Variants in NAALADL2 observed in about 807,000 individuals in gnomAD.
NAALADL2 encodes the protein inactive N-acetylated-alpha-linked acidic dipeptidase-like protein 2.
NAALADL2 carries 76 observed loss-of-function variants against 87.2 expected under a neutral mutation model. The observed-to-expected ratio is 0.87, with a 90% confidence interval of 0.72 to 1.05. The LOEUF is 1.05. Among genes scored for constraint, NAALADL2 ranks in the 50% least tolerant of loss-of-function variants. The pLI, the probability that NAALADL2 is intolerant of heterozygous loss-of-function variation, is 0.00. For synonymous variants in NAALADL2, 354 were observed against 331.0 expected (o/e 1.07, Z -0.75); for missense variants, 1,089 against 945.8 (o/e 1.15, Z -1.99).
chr3:174,819,038 T>C (rs1429180154), intron 3 of NAALADL2, among the ~76,000 whole-genome samples: 1 of 151,158 alleles, frequency 6.6e-6, no homozygotes, highest in Non-Finnish European at 1.5e-5. Flanking sequence ...ATTTTGAATT[T>C]CTTTATTATA....
At chr3:174,488,651 A>G (rs1718004606) in intron 1 of NAALADL2, among the ~76,000 whole-genome samples, 1 of 151,870 alleles carries the variant, frequency 6.6e-6, no homozygotes, top group African/African-American at 2.4e-5. Context: ...GTTTTTTTTC[A>G]CAATCTCATG....
At chr3:175,338,137 G>T (rs181911295) in intron 5 of NAALADL2, among the ~76,000 whole-genome samples, 2 of 152,114 alleles carry the variant, frequency 1.3e-5, no homozygotes, top group Non-Finnish European at 2.9e-5. Flanking sequence ...TTAGGAAGTC[G>T]TGGGAATCTG....
chr3:174,851,502 A>C (rs915350197), intron 3 of NAALADL2, among the ~76,000 whole-genome samples: 2 of 152,076 alleles, frequency 1.3e-5, no homozygotes, highest in Non-Finnish European at 2.9e-5. Flanking sequence ...TATGCCAATA[A>C]ATTGGAAAAC....
intron 2 of NAALADL2, among the ~76,000 whole-genome samples, chr3:175,137,724 C>G (rs1729336332): frequency 6.6e-6 from 1 of 151,700 alleles, no homozygotes; most frequent in Non-Finnish European, 1.5e-5. Flanking sequence ...CTCAGACTCC[C>G]AAGTAGCTGG....
intron 13 of NAALADL2, among the ~76,000 whole-genome samples, chr3:175,765,474 A>G (rs1210244660): frequency 3.3e-5 from 5 of 152,176 alleles, no homozygotes; most frequent in Non-Finnish European, 7.4e-5. Context: ...ACATTCAAAT[A>G]CAATTTGATT....
chr3:174,451,843 GTTTTT>G lies in NAALADL2; in HGVS notation c.-184+10836_-184+10840del, dbSNP rs764587503. Reference sequence around the variant, plus strand: ...TAATGTAGTGCTAAGGATAGTGGGAGTTTTTTTTTTTTTTTTTTTTTTTTTTTTTG... The same window carrying G: ...TAATGTAGTGCTAAGGATAGTGGGAGTTTTTTTTTTTTTTTTTTTTTTTTG... On this transcript the variant is annotated intron_variant, in intron 1 of 3. Coordinates refer to the NAALADL2 transcript ENST00000434257. Among the ~76,000 whole-genome samples the G allele has an allele frequency of 3.4e-4, 33 of 98,086 alleles. 2 individuals carry two copies. The highest frequency in any genetic ancestry group is 3.2e-4 in the Non-Finnish European group (17 of 53,532). 64.3% of individuals were successfully genotyped at this position (98,086 alleles called of 152,430 possible). A position where few individuals can be genotyped will look rare whatever the true frequency, so the allele number is the denominator to read the frequency against.
chr3:174,749,674 G>A (rs1408987044), intron 3 of NAALADL2, among the ~76,000 whole-genome samples: 1 of 152,130 alleles, frequency 6.6e-6, no homozygotes, highest in Non-Finnish European at 1.5e-5. Context: ...GCATTTTGAG[G>A]TGGGTTGGGT....
At chr3:174,562,682 C>G (rs1713771586) in intron 2 of NAALADL2, among the ~76,000 whole-genome samples, 1 of 151,896 alleles carries the variant, frequency 6.6e-6, no homozygotes, top group African/African-American at 2.4e-5. Flanking sequence ...TAAATATTGT[C>G]TACTGGAACT....
chr3:174,935,109 A>T (rs1019628751), intron 1 of NAALADL2, among the ~76,000 whole-genome samples: 1 of 152,166 alleles, frequency 6.6e-6, no homozygotes, highest in African/African-American at 2.4e-5. Context: ...AATTCAAAGA[A>T]CATTCTGTAA....
chr3:175,381,677 A>C (rs1767802612), intron 5 of NAALADL2, among the ~76,000 whole-genome samples: 2 of 152,216 alleles, frequency 1.3e-5, no homozygotes, highest in African/African-American at 4.8e-5. Context: ...CTCACAAAAA[A>C]ATTAATGATT....
At chr3:175,590,698 G>T (rs1721309663) in intron 10 of NAALADL2, among the ~76,000 whole-genome samples, 1 of 152,094 alleles carries the variant, frequency 6.6e-6, no homozygotes, top group African/African-American at 2.4e-5. Flanking sequence ...GCTTATGAAA[G>T]TCCCACTATA....
rs190235175 is a variant in NAALADL2 at position 174,804,922 on chromosome 3, A to G, written c.-9+67176A>G. On this transcript the variant is annotated intron_variant, in intron 3 of 3. Coordinates refer to the NAALADL2 transcript ENST00000434257. The stretch of plus-strand genomic sequence containing the variant: ...TTAGATTTTAAATTGTCTAATTATC[A>G]ATAAGAGAGGTTCAAATTCTTGCTG... Among the ~76,000 whole-genome samples the G allele has an allele frequency of 4.6e-3, 699 of 152,288 alleles. 7 individuals are homozygous for G. The highest frequency in any genetic ancestry group is 0.016 in the African/African-American group (678 of 41,550).
intron 5 of NAALADL2, among the ~76,000 whole-genome samples, chr3:175,382,700 G>A (rs975863033): frequency 1.9e-5 from 2 of 103,310 alleles, no homozygotes; most frequent in African/African-American, 6.7e-5. Context: ...TGAAGGTTCC[G>A]ACTTCTCCAC....
At chr3:174,924,098 C>T (rs1353786128) in intron 1 of NAALADL2, among the ~76,000 whole-genome samples, 1 of 152,022 alleles carries the variant, frequency 6.6e-6, no homozygotes, top group Non-Finnish European at 1.5e-5. Context: ...TTCTAGGGTA[C>T]ATGTACACAA....
chr3:175,166,283 T>G (rs1000808200), intron 2 of NAALADL2, among the ~76,000 whole-genome samples: 7 of 152,064 alleles, frequency 4.6e-5, no homozygotes, highest in African/African-American at 1.7e-4. Flanking sequence ...TTGACAAATC[T>G]GCTTTTATTC....
chr3:175,461,509 A>G (rs1173590206), intron 6 of NAALADL2, among the ~76,000 whole-genome samples: 1 of 152,152 alleles, frequency 6.6e-6, no homozygotes, highest in Admixed American at 6.6e-5. Context: ...GCTGTTGGGA[A>G]TTGGGCAATG....
At chr3:175,409,830 T>G (rs1713147979) in intron 5 of NAALADL2, among the ~76,000 whole-genome samples, 1 of 152,078 alleles carries the variant, frequency 6.6e-6, no homozygotes, top group Non-Finnish European at 1.5e-5. Flanking sequence ...GATTATGCAT[T>G]TGTTAATATA....
chr3:175,237,457 C>T (rs1045158880), intron 3 of NAALADL2, among the ~76,000 whole-genome samples: 3 of 151,990 alleles, frequency 2.0e-5, no homozygotes, highest in African/African-American at 4.8e-5. Context: ...AATGTGAATT[C>T]GCAGGATACC....
At chr3:175,497,029 T>A (rs1342967390) in intron 9 of NAALADL2, among the ~76,000 whole-genome samples, 1 of 152,148 alleles carries the variant, frequency 6.6e-6, no homozygotes, top group Non-Finnish European at 1.5e-5. Context: ...TCACACAGAC[T>A]GTATTAATGG....
Sources: allele counts gnomAD v4.1 joint callset (sites outside exome capture counted in the v4.1 genomes callset), GRCh38; gene constraint gnomAD v4.1.1; transcripts MANE v1.5; gene names NCBI Gene and HGNC (gene_info 2026-07-23, HGNC 2026-07-21).